Variants in DOCK9 observed in about 807,000 individuals in gnomAD.
The protein encoded by DOCK9 is dedicator of cytokinesis 9.
A neutral mutation model predicts 263.3 loss-of-function variants in DOCK9; 89 were observed. The observed-to-expected ratio is 0.34, with a 90% CI of 0.28 to 0.40. The LOEUF is 0.40. Ranked by LOEUF, DOCK9 falls within the 10% of genes least tolerant of loss-of-function variation. The pLI is 1.00. For missense variants in DOCK9, 2,140 were observed against 2,603.4 expected (o/e 0.82, Z 3.87); for synonymous variants, 976 against 973.1 (o/e 1.00, Z -0.06).
chr13:98,996,507 C>T (rs368265048), intron 1 of DOCK9, among the ~76,000 whole-genome samples: 2 of 152,328 alleles, frequency 1.3e-5, no homozygotes, highest in East Asian at 1.9e-4. Flanking sequence ...CCTTACATTA[C>T]CCATATATTC....
At chr13:99,019,535 A>G (rs569624580) in intron 1 of DOCK9, among the ~76,000 whole-genome samples, 1 of 152,104 alleles carries the variant, frequency 6.6e-6, no homozygotes, top group South Asian at 2.1e-4. Flanking sequence ...AAACCCTTCA[A>G]TGGGAACCCT....
intron 1 of DOCK9, among the ~76,000 whole-genome samples, chr13:99,078,667 C>A (rs4771322): frequency 0.11 from 16,671 of 152,214 alleles, 1,327 homozygotes; most frequent in East Asian, 0.24. Context: ...ACTCCCAGCC[C>A]TCCTCTCTCC....
intron 32 of DOCK9, among the ~76,000 whole-genome samples, chr13:98,862,290 T>C (rs1233982576): frequency 1.3e-5 from 2 of 152,204 alleles, no homozygotes; most frequent in Non-Finnish European, 2.9e-5. Context: ...CTTCAGAATG[T>C]ACCCTTATTT....
At chr13:98,984,361 T>G (rs1193701677) in intron 1 of DOCK9, among the ~76,000 whole-genome samples, 1 of 152,222 alleles carries the variant, frequency 6.6e-6, no homozygotes, top group Non-Finnish European at 1.5e-5. Context: ...TTGACACAAG[T>G]CAGTAAATGG....
rs117023023 is a variant in DOCK9, at chr13:98,908,629, A to G, written c.961-3923T>C. Among the ~76,000 whole-genome samples the G allele has an allele frequency of 3.2e-4, 48 of 152,314 alleles. No homozygotes were observed. The East Asian group carries it at 5.4e-3, about 17-fold the overall frequency. On this transcript the variant is annotated intron_variant, in intron 9 of 52. Coordinates refer to ENST00000682017, the MANE Select transcript of DOCK9 (RefSeq NM_001366683.2). ...AAGTGATACAGAAAATTTCAGAATAATGTATATATCATGAACATATTTTTA... is the reference window on the plus strand; with the variant it reads ...AAGTGATACAGAAAATTTCAGAATAGTGTATATATCATGAACATATTTTTA...
intron 34 of DOCK9, chr13:98,854,807 T>C (rs1259590887): frequency 6.6e-6 from 1 of 152,166 alleles, no homozygotes; most frequent in African/African-American, 2.4e-5. Context: ...CAAACTGAGC[T>C]GCTCGCACCT....
chr13:98,827,240 A>C (rs2092578936), intron 43 of DOCK9, among the ~76,000 whole-genome samples: 1 of 152,226 alleles, frequency 6.6e-6, no homozygotes, highest in Admixed American at 6.5e-5. Context: ...CTTTGAAGAA[A>C]ACATGTGCTC....
chr13:99,074,548 C>G (rs933715917), intron 1 of DOCK9, among the ~76,000 whole-genome samples: 1 of 152,226 alleles, frequency 6.6e-6, no homozygotes, highest in Non-Finnish European at 1.5e-5. Flanking sequence ...CCGTGCCCAG[C>G]GGCAACTGTT....
chr13:98,839,125 G>A (rs1272088906), intron 38 of DOCK9, among the ~76,000 whole-genome samples: 1 of 152,166 alleles, frequency 6.6e-6, no homozygotes, highest in African/African-American at 2.4e-5. Flanking sequence ...ATGCTGCTTT[G>A]CTTTTACAAA....
chr13:98,915,987 T>C (rs2050828988), intron 7 of DOCK9, among the ~76,000 whole-genome samples: 1 of 152,240 alleles, frequency 6.6e-6, no homozygotes, highest in Non-Finnish European at 1.5e-5. Context: ...TATTACTATG[T>C]TTGGCTTACT....
In DOCK9 at chr13:98,999,306, A is replaced by T. The variant is rs998737816; in HGVS notation, c.130-43755T>A. Among the ~76,000 whole-genome samples, 6 of 107,910 alleles carry T rather than the reference A, an allele frequency of 5.6e-5. No individual in the cohort carries two copies. In the East Asian group the frequency reaches 1.0e-3, roughly 18 times the overall value. The allele number at this position is 107,910 out of a possible 152,430, so 70.8% of individuals were successfully genotyped here. ...CATGCACGCGCACACACACACACAC[A>T]CACACACACACTCTCTCTCTCTCTC... On this transcript the variant is annotated intron_variant, in intron 1 of 32. Transcript: ENST00000427887.
Position 98,855,993 on chromosome 13 carries a change from C to A in DOCK9, c.3736G>T (p.Val1246Leu). The change falls in exon 34 of 53, where the codon GTG becomes TTG. Residue 1246 changes from valine (V) to leucine (L), a missense_variant. Coordinates refer to ENST00000682017, the MANE Select transcript of DOCK9 (RefSeq NM_001366683.2). ...YTTSTPNINS[V>L]RNADSRGSLI... ...GATCCTCTCGAATCAGCATTTCTCA[C>A]ACTGTTGATGTTTGGAGTTGAGGTT... 1 of 1,613,950 alleles carries A rather than the reference C, an allele frequency of 6.2e-7. No individual in the cohort carries two copies. Among genetic ancestry groups the A allele is most frequent in the Non-Finnish European group, 8.5e-7 (1 of 1,179,856 alleles).
chr13:98,914,258 G>T, intron 9 of DOCK9, 70 bp downstream of exon 9: 1 of 1,329,908 alleles, frequency 7.5e-7, no homozygotes, highest in Non-Finnish European at 1.1e-6. Context: ...TTCCATTCTG[G>T]ACAAACCAGT....
chr13:98,934,866 T>C (rs1163211349), intron 2 of DOCK9, among the ~76,000 whole-genome samples: 3 of 152,236 alleles, frequency 2.0e-5, no homozygotes, highest in African/African-American at 7.2e-5. Context: ...TCTATCCATC[T>C]ATCCACACCT....
In DOCK9 at chr13:99,052,673, T is replaced by A. The variant is rs140627965; in HGVS notation, c.129+33550A>T. Among the ~76,000 whole-genome samples the A allele has an allele frequency of 2.7e-3, 414 of 152,154 alleles. 2 individuals are homozygous for A. The highest frequency in any genetic ancestry group is 9.2e-3 in the African/African-American group (381 of 41,510). Reference sequence around the variant, plus strand: ...AGCAACGCAGTGGTGCAATCATGGTTCACTGCAGCCTCGAACTCCTGGGCT... The same window carrying A: ...AGCAACGCAGTGGTGCAATCATGGTACACTGCAGCCTCGAACTCCTGGGCT... On this transcript the variant is annotated intron_variant, in intron 1 of 32. Coordinates refer to the DOCK9 transcript ENST00000427887.
At position 98,838,669 on chromosome 13, in the gene DOCK9, C is replaced by T. The variant is rs140856349; in HGVS notation, c.4199-1060G>A. Among the ~76,000 whole-genome samples, 471 of 152,202 alleles carry T rather than the reference C, an allele frequency of 3.1e-3. 8 individuals carry two copies. The highest frequency in any genetic ancestry group is 0.02 in the Middle Eastern group (6 of 294). On this transcript the variant is annotated intron_variant, in intron 38 of 52. Transcript: ENST00000682017. Reference sequence around the variant, plus strand: ...TGAGATTAAATTATGAAATGGTATGCATTAGCAGAAATACATATAGGGATG... The same window carrying T: ...TGAGATTAAATTATGAAATGGTATGTATTAGCAGAAATACATATAGGGATG...
intron 1 of DOCK9, among the ~76,000 whole-genome samples, chr13:98,964,224 A>C (rs1174197987): frequency 6.6e-6 from 1 of 152,236 alleles, no homozygotes; most frequent in Non-Finnish European, 1.5e-5. Flanking sequence ...CACTAGAAGG[A>C]ACCCAACCTT....
chr13:98,879,265 A>C (rs571669382), intron 27 of DOCK9, among the ~76,000 whole-genome samples: 1 of 152,306 alleles, frequency 6.6e-6, no homozygotes, highest in Admixed American at 6.5e-5. Flanking sequence ...AGTGGGAACC[A>C]GGGGAAGCAG....
intron 1 of DOCK9, among the ~76,000 whole-genome samples, chr13:98,986,370 G>A (rs1445974816): frequency 2.0e-5 from 3 of 152,236 alleles, no homozygotes; most frequent in Non-Finnish European, 4.4e-5. Flanking sequence ...GGAGGGGACA[G>A]GCCGCCAGGC....
Sources: gnomAD v4.1 joint callset for allele counts (sites outside exome capture counted in the v4.1 genomes callset) on GRCh38, gnomAD v4.1.1 for gene constraint, MANE v1.5 for transcripts, NCBI Gene and HGNC (gene_info 2026-07-23, HGNC 2026-07-21) for gene names.